GPRIN3: variants seen among roughly 807,000 people sequenced by gnomAD.
GPRIN3 encodes GPRIN family member 3, also known as G protein-regulated inducer of neurite outgrowth 3.
A neutral mutation model predicts 13.7 loss-of-function variants in GPRIN3; 12 were observed. The observed-to-expected ratio is 0.87, with a 90% CI of 0.56 to 1.42. The LOEUF (loss-of-function observed/expected upper bound fraction) is 1.42. Ranked by LOEUF, GPRIN3 falls within the 40% of genes most tolerant of loss-of-function variation. The pLI, the probability that GPRIN3 is intolerant of heterozygous loss-of-function variation, is 0.00. For synonymous variants in GPRIN3, 377 were observed against 372.7 expected, an observed-to-expected ratio of 1.01 and a Z score of -0.13; for missense variants, 1,009 against 958.7, an observed-to-expected ratio of 1.05 and a Z score of -0.69.
chr4:89,268,743 T>A (rs552264165), intron 1 of GPRIN3, among the ~76,000 whole-genome samples: 1 of 152,290 alleles, frequency 6.6e-6, no homozygotes, highest in South Asian at 2.1e-4. Flanking sequence ...ACAGAGCTGG[T>A]TGTGTTCATC....
In GPRIN3 at chr4:89,262,052, G is replaced by A. The variant is rs372733580; in HGVS notation, c.-123-11819C>T. On this transcript the variant is annotated intron_variant, in intron 1 of 1. Coordinates refer to ENST00000609438, the MANE Select transcript of GPRIN3 (RefSeq NM_198281.3). ...GAGGTGGTGGAACTGCTTGAGCCTG[G>A]GAGGCAGAGGTTGCAGTGAGTTGAG... Among the ~76,000 whole-genome samples, 17 of 151,590 alleles carry A rather than the reference G, an allele frequency of 1.1e-4. No homozygotes were observed. In the East Asian group the frequency reaches 3.3e-3, roughly 30 times the overall value.
At chr4:89,251,227 T>C (rs1425408662) in intron 1 of GPRIN3, 1 of 152,202 alleles carries the variant, frequency 6.6e-6, no homozygotes, top group Non-Finnish European at 1.5e-5. Flanking sequence ...CAAATTCATT[T>C]GTAGTCAAAT....
intron 1 of GPRIN3, among the ~76,000 whole-genome samples, chr4:89,274,702 T>A (rs928776709): frequency 3.3e-5 from 5 of 152,048 alleles, no homozygotes; most frequent in Admixed American, 3.3e-4. Context: ...ATCCCAAACT[T>A]AGTTGTGCAG....
Position 89,249,158 on chromosome 4 carries a change from T to C in GPRIN3, c.953A>G (p.Gln318Arg). Residue 318 changes from glutamine (Q) to arginine (R), a missense_variant, in exon 2 of 2, where the codon CAA becomes CGA. Gln to Arg is a conservative substitution (Grantham distance 43). Coordinates refer to ENST00000609438, the MANE Select transcript of GPRIN3 (RefSeq NM_198281.3). Reference protein sequence around the residue: ...EIKEVPSRAWQDAEVQAVASV... With the variant: ...EIKEVPSRAWRDAEVQAVASV... ...CGCCACTGCCTGCACCTCCGCATCT[T>C]GCCAAGCCCTGCTGGGAACTTCCTT... 3 of 1,614,216 alleles carry C rather than the reference T, an allele frequency of 1.9e-6. No individual in the cohort carries two copies. The highest frequency in any genetic ancestry group is 1.7e-6 in the Non-Finnish European group (2 of 1,180,030).
At chr4:89,295,535 C>T (rs1724708552) in intron 1 of GPRIN3, among the ~76,000 whole-genome samples, 2 of 152,052 alleles carry the variant, frequency 1.3e-5, no homozygotes, top group African/African-American at 4.8e-5. Flanking sequence ...GGCATACATG[C>T]TTGGTGATGA....
At chr4:89,285,730 CTG>C (rs1724387621) in intron 1 of GPRIN3, among the ~76,000 whole-genome samples, 1 of 152,150 alleles carries the variant, frequency 6.6e-6, no homozygotes, top group African/African-American at 2.4e-5. Flanking sequence ...TGTAAACAAA[CTG>C]AAACTGACAG....
chr4:89,259,261 T>G (rs1723561774), intron 1 of GPRIN3, among the ~76,000 whole-genome samples: 1 of 152,224 alleles, frequency 6.6e-6, no homozygotes, highest in African/African-American at 2.4e-5. Flanking sequence ...TGAACTCTTC[T>G]CCAGAAGAGG....
chr4:89,262,543 T>C (rs1468600635), intron 1 of GPRIN3, among the ~76,000 whole-genome samples: 1 of 152,194 alleles, frequency 6.6e-6, no homozygotes, highest in Non-Finnish European at 1.5e-5. Flanking sequence ...TGATGATGGA[T>C]TCGTGCTGGT....
chr4:89,283,780 T>C (rs1185852300), intron 1 of GPRIN3, among the ~76,000 whole-genome samples: 2 of 152,146 alleles, frequency 1.3e-5, no homozygotes, highest in East Asian at 3.9e-4. Flanking sequence ...TGAATAGATA[T>C]ACAGGCAGCC....
chr4:89,279,313 C>A (rs1161154244), intron 1 of GPRIN3, among the ~76,000 whole-genome samples: 1 of 152,132 alleles, frequency 6.6e-6, no homozygotes, highest in Non-Finnish European at 1.5e-5. Context: ...CCAACTTTTT[C>A]CTGTCTCACC....
chr4:89,273,230 G>A (rs1724007099), intron 1 of GPRIN3, among the ~76,000 whole-genome samples: 1 of 152,130 alleles, frequency 6.6e-6, no homozygotes, highest in African/African-American at 2.4e-5. Context: ...GTCATATCAT[G>A]ACAAAGCAGA....
At chr4:89,284,731 C>A (rs1724352518) in intron 1 of GPRIN3, among the ~76,000 whole-genome samples, 1 of 152,200 alleles carries the variant, frequency 6.6e-6, no homozygotes, top group Admixed American at 6.5e-5. Context: ...TGGGGGAGAT[C>A]TGATCTAGCC....
chr4:89,248,261 G>A lies in GPRIN3; in HGVS notation c.1850C>T (p.Pro617Leu), dbSNP rs982496858. The A allele has an allele frequency of 6.2e-7, 1 of 1,614,176 alleles. No individual in the cohort carries two copies. The highest frequency in any genetic ancestry group is 8.5e-7 in the Non-Finnish European group (1 of 1,180,032). The change falls in exon 2 of 2, where the codon CCA (proline) becomes CTA (leucine). Residue 617 changes from proline (P) to leucine (L), a missense_variant. Coordinates refer to ENST00000609438, the MANE Select transcript of GPRIN3 (RefSeq NM_198281.3). ...LPSDPMGDSS[P>L]GSGKKTPSRS... The stretch of plus-strand genomic sequence containing the variant: ...AGATGGGGTCTTCTTGCCAGAACCT[G>A]GGCTGGAGTCACCCATGGGATCAGA...
At chr4:89,287,228 CAT>C (rs1490136736) in intron 1 of GPRIN3, among the ~76,000 whole-genome samples, 1 of 152,058 alleles carries the variant, frequency 6.6e-6, no homozygotes, top group Non-Finnish European at 1.5e-5. Flanking sequence ...TTGTACTAGA[CAT>C]GTAGAGAAAA....
At chr4:89,269,574 G>A (rs1217659199) in intron 1 of GPRIN3, among the ~76,000 whole-genome samples, 1 of 152,156 alleles carries the variant, frequency 6.6e-6, no homozygotes, top group Non-Finnish European at 1.5e-5. Flanking sequence ...GTTCACTAGA[G>A]CAGGCAAGAT....
At chr4:89,254,128 G>GGGGTGTGTGTGTGTGT (rs150483417) in intron 1 of GPRIN3, among the ~76,000 whole-genome samples, 177 of 147,748 alleles carry the variant, frequency 1.2e-3, no homozygotes, top group African/African-American at 3.2e-3. Context: ...GTTGCATCTG[G>GGGGTGTGTGTGTGTGT]GTGTGTGTGT....
chr4:89,307,298 C>CACACACACA (rs1561242497), intron 1 of GPRIN3, among the ~76,000 whole-genome samples: 2 of 150,268 alleles, frequency 1.3e-5, no homozygotes, highest in South Asian at 2.1e-4. Context: ...CACACACACA[C>CACACACACA]CCCTCATATT....
rs1018521684 is a variant in GPRIN3 at position 89,238,969 on chromosome 4, T to G, written c.*8811A>C. ...GAATATCAGAATTTTAAGCATCCAT[T>G]CAAAAATCAAATCCAAAATGAAGGT... On this transcript the variant is annotated 3_prime_UTR_variant, in exon 2 of 2. Coordinates refer to ENST00000609438, the MANE Select transcript of GPRIN3 (RefSeq NM_198281.3). 6 of 152,198 alleles carry G rather than the reference T, an allele frequency of 3.9e-5. No homozygotes were observed. The highest frequency in any genetic ancestry group is 1.4e-4 in the African/African-American group (6 of 41,460). The allele number at this position is 152,198 out of a possible 1,614,324, so 9.4% of individuals were successfully genotyped here. A position where few individuals can be genotyped will look rare whatever the true frequency, so the allele number is the denominator to read the frequency against.
chr4:89,256,422 G>T (rs773125235), intron 1 of GPRIN3, among the ~76,000 whole-genome samples: 1 of 152,146 alleles, frequency 6.6e-6, no homozygotes, highest in Non-Finnish European at 1.5e-5. Flanking sequence ...CCACTACTAT[G>T]CCATGCTGCC....
Sources: allele counts gnomAD v4.1 joint callset (sites outside exome capture counted in the v4.1 genomes callset), GRCh38; gene constraint gnomAD v4.1.1; transcripts MANE v1.5; gene names NCBI Gene and HGNC (gene_info 2026-07-23, HGNC 2026-07-21).